Variants in NFIB observed in about 807,000 individuals in gnomAD.
NFIB encodes nuclear factor I B, also known as nuclear factor 1 B-type.
A neutral mutation model predicts 61.5 loss-of-function variants in NFIB; 11 were observed. The ratio of observed to expected loss-of-function variants is 0.18; its 90% CI spans 0.11 to 0.30. NFIB has a LOEUF of 0.30. Among genes scored for constraint, NFIB ranks in the 10% least tolerant of loss-of-function variants. The pLI is 1.00. For synonymous variants in NFIB, 260 were observed against 216.5 expected (o/e 1.20, Z -1.76); for missense variants, 471 against 608.9 (o/e 0.77, Z 2.38).
At chr9:14,129,142 T>C (rs1227870256) in intron 6 of NFIB, among the ~76,000 whole-genome samples, 1 of 152,080 alleles carries the variant, frequency 6.6e-6, no homozygotes, top group Non-Finnish European at 1.5e-5. Flanking sequence ...CCACAAACTC[T>C]TTCCTTAAAC....
the NFIB span, among the ~76,000 whole-genome samples, chr9:14,510,332 G>T: frequency 6.6e-6 from 1 of 152,306 alleles, no homozygotes; most frequent in South Asian, 2.1e-4. Flanking sequence ...ACAAAAATAA[G>T]GGGAAACAGA....
chr9:14,442,168 TTAATCACCACCCTCTCC>T, the NFIB span, among the ~76,000 whole-genome samples: 22 of 152,144 alleles, frequency 1.4e-4, no homozygotes, highest in South Asian at 3.5e-3. Flanking sequence ...TCCACCTCGC[TTAATCACCACCCTCTCC>T]TAATCACCAC....
intron 1 of NFIB, among the ~76,000 whole-genome samples, chr9:14,350,440 A>G (rs1048722582): frequency 6.9e-6 from 1 of 145,004 alleles, no homozygotes; most frequent in African/African-American, 2.5e-5. Flanking sequence ...AGTTGTTGCT[A>G]CCTGCCCTTG....
intron 2 of NFIB, among the ~76,000 whole-genome samples, chr9:14,208,367 C>T (rs1407869378): frequency 6.6e-6 from 1 of 152,162 alleles, no homozygotes; most frequent in East Asian, 1.9e-4. Flanking sequence ...AATTACACCT[C>T]ATTCCAAATT....
In NFIB at chr9:14,087,231, G is replaced by A. The variant is rs1454982667; in HGVS notation, c.*1078C>T. The A allele has an allele frequency of 4.9e-6, 1 of 203,262 alleles. No homozygotes were observed. Among genetic ancestry groups the A allele is most frequent in the Non-Finnish European group, 1.0e-5 (1 of 98,874 alleles). The allele number at this position is 203,262 out of a possible 1,614,324, so 12.6% of individuals were successfully genotyped here. ...GGAGGCTGCAGCTAAACCAACATAA[G>A]TGCTGTGTTTTCATTAATTTTATTT... On this transcript the variant is annotated 3_prime_UTR_variant, in exon 11 of 11. Transcript: ENST00000380953.
intron 2 of NFIB, among the ~76,000 whole-genome samples, chr9:14,226,832 A>G (rs1358668787): frequency 1.3e-5 from 2 of 152,114 alleles, no homozygotes; most frequent in African/African-American, 4.8e-5. Flanking sequence ...TGGGTGGGGA[A>G]GTTGTGGAAG....
chr9:14,216,546 CTGTGTGTG>C (rs372536644), intron 2 of NFIB, among the ~76,000 whole-genome samples: 7 of 21,510 alleles, frequency 3.3e-4, no homozygotes, highest in African/African-American at 7.4e-4. Flanking sequence ...CTCTCTCCCT[CTGTGTGTG>C]TGTGTGTGTG....
the NFIB span, among the ~76,000 whole-genome samples, chr9:14,518,435 T>C: frequency 6.6e-6 from 1 of 151,788 alleles, no homozygotes; most frequent in Non-Finnish European, 1.5e-5. Context: ...GTCTTCCTGA[T>C]GAATGCCACC....
chr9:14,274,290 A>ACACACACACACG, intron 2 of NFIB, among the ~76,000 whole-genome samples: 1 of 151,068 alleles, frequency 6.6e-6, no homozygotes, highest in Non-Finnish European at 1.5e-5. Flanking sequence ...ACACACACAC[A>ACACACACACACG]CGAAGACATC....
chr9:14,247,043 T>C (rs1294427746), intron 2 of NFIB, among the ~76,000 whole-genome samples: 1 of 152,156 alleles, frequency 6.6e-6, no homozygotes, highest in African/African-American at 2.4e-5. Context: ...AGCAGGTGGC[T>C]GTCTGCAAAC....
intron 2 of NFIB, among the ~76,000 whole-genome samples, chr9:14,187,251 T>C (rs1041974374): frequency 1.3e-5 from 2 of 152,078 alleles, no homozygotes; most frequent in African/African-American, 4.8e-5. Context: ...TGTTGTTTGT[T>C]TGTTTGTTTT....
chr9:14,473,968 G>A, the NFIB span, among the ~76,000 whole-genome samples: 2 of 152,156 alleles, frequency 1.3e-5, no homozygotes, highest in Non-Finnish European at 2.9e-5. Context: ...ACTGTGCAGA[G>A]TCTTCAGGAA....
At chr9:14,235,371 T>A (rs980516170) in intron 2 of NFIB, among the ~76,000 whole-genome samples, 3 of 152,188 alleles carry the variant, frequency 2.0e-5, no homozygotes, top group African/African-American at 7.2e-5. Flanking sequence ...AAAGCCTGTG[T>A]GAGACCTTAG....
At chr9:14,394,228 T>C (rs1486184885) in intron 1 of NFIB, among the ~76,000 whole-genome samples, 1 of 152,188 alleles carries the variant, frequency 6.6e-6, no homozygotes, top group Non-Finnish European at 1.5e-5. Flanking sequence ...ACAAGTGCTA[T>C]TATAAGGATA....
chr9:14,426,867 T>C, the NFIB span, among the ~76,000 whole-genome samples: 1 of 152,144 alleles, frequency 6.6e-6, no homozygotes, highest in Non-Finnish European at 1.5e-5. Context: ...TGTAAAATGG[T>C]GCTGAGTTCC....
chr9:14,306,739 C>T (rs987993950), intron 2 of NFIB, among the ~76,000 whole-genome samples: 6 of 152,144 alleles, frequency 3.9e-5, no homozygotes, highest in Non-Finnish European at 8.8e-5. Flanking sequence ...TTTAAAGATA[C>T]TTGAAAACGC....
At chr9:14,310,380 C>T (rs1173810514) in intron 1 of NFIB, among the ~76,000 whole-genome samples, 1 of 152,062 alleles carries the variant, frequency 6.6e-6, no homozygotes, top group Non-Finnish European at 1.5e-5. Flanking sequence ...GACATATCCT[C>T]CAAAAATGAC....
At chr9:14,127,932 CAAA>C (rs201442988) in intron 6 of NFIB, among the ~76,000 whole-genome samples, 12 of 87,234 alleles carry the variant, frequency 1.4e-4, no homozygotes, top group African/African-American at 4.2e-4. Flanking sequence ...ATATCTTTTT[CAAA>C]AAAAAAAAAA....
At chr9:14,428,260 A>G in the NFIB span, among the ~76,000 whole-genome samples, 1 of 152,144 alleles carries the variant, frequency 6.6e-6, no homozygotes, top group East Asian at 1.9e-4. Context: ...TTTTTCTTTA[A>G]GGAAAACATC....
Sources: allele counts gnomAD v4.1 joint callset (sites outside exome capture counted in the v4.1 genomes callset), GRCh38; gene constraint gnomAD v4.1.1; transcripts MANE v1.5; gene names NCBI Gene and HGNC (gene_info 2026-07-23, HGNC 2026-07-21).